Variants in USP28 observed in about 807,000 individuals in gnomAD.
USP28 encodes the protein ubiquitin carboxyl-terminal hydrolase 28.
In USP28, 113 loss-of-function variants were observed where a neutral mutation model predicts 145.0. That is an observed-to-expected ratio of 0.78 (90% confidence interval 0.67 to 0.91). The LOEUF (loss-of-function observed/expected upper bound fraction) is 0.91, where lower values mean the gene tolerates loss of function less well. USP28 is among the 40% of genes least tolerant of loss of function. The probability of loss-of-function intolerance (pLI) is 0.00; values close to 1 mark genes in which losing one functional copy is unlikely to be tolerated. For synonymous variants in USP28, 447 were observed against 450.9 expected (o/e 0.99, Z 0.11); for missense variants, 1,201 against 1,289.6 (o/e 0.93, Z 1.05).
chr11:113,804,960 A>G (rs1433814060), exon 20 of USP28: 4 of 1,614,062 alleles, frequency 2.5e-6, no homozygotes, highest in Non-Finnish European at 3.4e-6. Flanking sequence ...AAAAGTAGAC[A>G]AGGACATGCT....
intron 12 of USP28, among the ~76,000 whole-genome samples, chr11:113,819,121 T>G (rs1565372314): frequency 6.6e-6 from 1 of 151,734 alleles, no homozygotes; most frequent in Non-Finnish European, 1.5e-5. Context: ...TATTCTTTTT[T>G]TTTTTTTTTG....
chr11:113,832,998 G>A (rs73552967), intron 7 of USP28, among the ~76,000 whole-genome samples: 3,147 of 152,202 alleles, frequency 0.021, 97 homozygotes, highest in African/African-American at 0.07. Context: ...GAAAAGCTCC[G>A]AAAAGCTCCT....
chr11:113,801,565 A>G (rs773645851), exon 24 of USP28: 3 of 1,610,500 alleles, frequency 1.9e-6, no homozygotes, highest in South Asian at 1.1e-5. Flanking sequence ...AAATGTCATT[A>G]TTAATGATAA....
intron 22 of USP28, 87 bp downstream of exon 23, chr11:113,803,711 G>T: frequency 9.2e-7 from 1 of 1,089,032 alleles, no homozygotes; most frequent in Non-Finnish European, 1.4e-6. Flanking sequence ...GGTTATGCAT[G>T]GCTGTGACTC....
chr11:113,848,837 T>C (rs1422491277), intron 3 of USP28, among the ~76,000 whole-genome samples: 1 of 152,116 alleles, frequency 6.6e-6, no homozygotes, highest in Non-Finnish European at 1.5e-5. Context: ...CAACAGAGAA[T>C]TGAAGCTGAA....
chr11:113,869,846 T>G (rs1028132335), intron 1 of USP28, among the ~76,000 whole-genome samples: 3 of 152,090 alleles, frequency 2.0e-5, no homozygotes, highest in Non-Finnish European at 4.4e-5. Flanking sequence ...AAACAGAGTA[T>G]AGAAGTCATT....
chr11:113,800,302 GC>G (rs1938748030), intron 24 of USP28, among the ~76,000 whole-genome samples: 1 of 151,988 alleles, frequency 6.6e-6, no homozygotes, highest in Non-Finnish European at 1.5e-5. Flanking sequence ...ACTGCGCCCG[GC>G]CTTTTTTGTT....
chr11:113,851,334 G>T (rs1946420257), intron 3 of USP28, among the ~76,000 whole-genome samples: 1 of 152,196 alleles, frequency 6.6e-6, no homozygotes, highest in South Asian at 2.1e-4. Context: ...ACTTAGGAAG[G>T]TTCTGAATGA....
At chr11:113,803,237 T>C (rs1453475691) in exon 23 of USP28, 4 of 1,614,086 alleles carry the variant, frequency 2.5e-6, no homozygotes, top group Admixed American at 3.3e-5. Context: ...CAGGGCAGCA[T>C]TGCTCTGGTA....
chr11:113,851,180 T>A (rs1946404858), intron 3 of USP28, among the ~76,000 whole-genome samples: 1 of 152,204 alleles, frequency 6.6e-6, no homozygotes. Context: ...TTCCCTAATC[T>A]GACCCATGCT....
intron 3 of USP28, among the ~76,000 whole-genome samples, chr11:113,846,385 A>G (rs1945849848): frequency 6.6e-6 from 1 of 152,258 alleles, no homozygotes; most frequent in Admixed American, 6.5e-5. Context: ...CTTAAGACAG[A>G]TATTATGCCA....
intron 1 of USP28, among the ~76,000 whole-genome samples, chr11:113,867,457 G>A (rs998548395): frequency 2.0e-5 from 3 of 151,860 alleles, no homozygotes; most frequent in Admixed American, 2.0e-4. Flanking sequence ...TAGTAGAGAC[G>A]GGGCTTCACC....
At chr11:113,824,762 T>C (rs1313032970) in intron 11 of USP28, among the ~76,000 whole-genome samples, 3 of 151,296 alleles carry the variant, frequency 2.0e-5, no homozygotes, top group Non-Finnish European at 2.9e-5. Flanking sequence ...AGAAACCCCA[T>C]CTCTACTAAA....
intron 11 of USP28, among the ~76,000 whole-genome samples, chr11:113,826,796 G>C (rs922285068): frequency 6.6e-6 from 1 of 151,666 alleles, no homozygotes. Flanking sequence ...GTGCATGCCT[G>C]TAATTCCAGC....
intron 12 of USP28, 107 bp from the exon 13 acceptor site, chr11:113,817,944 C>A: frequency 8.4e-7 from 1 of 1,192,832 alleles, no homozygotes; most frequent in Non-Finnish European, 1.2e-6. Flanking sequence ...AAGGCTTATT[C>A]CTAGAGGCTA....
chr11:113,854,448 C>A, intron 1 of USP28, 113 bp from the exon 2 acceptor site: 1 of 996,432 alleles, frequency 1.0e-6, no homozygotes, highest in Non-Finnish European at 1.5e-6. Context: ...CTTGCCCAGG[C>A]TGGAGTGCAG....
At chr11:113,803,271 C>T in exon 23 of USP28, 5 of 1,607,210 alleles carry the variant, frequency 3.1e-6, no homozygotes, top group Non-Finnish European at 4.2e-6. Context: ...TAGGAAAGTG[C>T]CTCTTGGTAC....
chr11:113,869,229 T>C (rs921302749), intron 1 of USP28, among the ~76,000 whole-genome samples: 1 of 152,092 alleles, frequency 6.6e-6, no homozygotes, highest in African/African-American at 2.4e-5. Flanking sequence ...GGTCAGGTGT[T>C]CAAGACCAGC....
Position 113,829,707 on chromosome 11 carries a change from C to T in USP28, c.911-362G>A, listed in dbSNP as rs143733445. 6.8e-3 allele frequency among the ~76,000 whole-genome samples: 1,039 copies of T among 151,930 alleles called. 7 individuals carry two copies. Among genetic ancestry groups the T allele is most frequent in the South Asian group, 0.05 (241 of 4,808 alleles). On this transcript the variant is annotated intron_variant, in intron 9 of 24. Transcript: ENST00000003302. ...GGGTGCAGTAACACACGCCTGAAGT[C>T]CTGGCTACTCAGGAGGATAAGGTAG...
Sources: gnomAD v4.1 joint callset for allele counts (sites outside exome capture counted in the v4.1 genomes callset) on GRCh38, gnomAD v4.1.1 for gene constraint, MANE v1.5 for transcripts, NCBI Gene and HGNC (gene_info 2026-07-23, HGNC 2026-07-21) for gene names.